ANKRD6: variants seen among roughly 807,000 people sequenced by gnomAD.
The protein encoded by ANKRD6 is ankyrin repeat domain-containing protein 6.
Under a neutral mutation model 82.3 loss-of-function variants are expected in ANKRD6, and 56 were observed. The observed-to-expected ratio is 0.68, with a 90% CI of 0.55 to 0.85. The LOEUF (loss-of-function observed/expected upper bound fraction) is 0.85, where lower values mean the gene tolerates loss of function less well. ANKRD6 is among the 40% of genes least tolerant of loss of function. The pLI is 0.00. For synonymous variants in ANKRD6, 347 were observed against 352.1 expected, an observed-to-expected ratio of 0.99 and a Z score of 0.16; for missense variants, 852 against 907.6, an observed-to-expected ratio of 0.94 and a Z score of 0.79.
chr6:89,580,343 T>A (rs1365304430), intron 2 of ANKRD6, among the ~76,000 whole-genome samples: 1 of 152,162 alleles, frequency 6.6e-6, no homozygotes, highest in Non-Finnish European at 1.5e-5. Context: ...CTCCCCATGC[T>A]GGTAACTACT....
intron 1 of ANKRD6, among the ~76,000 whole-genome samples, chr6:89,561,942 G>A (rs982888252): frequency 2.0e-5 from 3 of 152,146 alleles, no homozygotes; most frequent in East Asian, 1.9e-4. Context: ...GGGGAAATAG[G>A]GCAATGCTTT....
chr6:89,615,061 C>A (rs551694944), intron 7 of ANKRD6, among the ~76,000 whole-genome samples: 2 of 152,196 alleles, frequency 1.3e-5, no homozygotes, highest in South Asian at 4.1e-4. Context: ...TGCACAATTT[C>A]CAGCAGTCAT....
chr6:89,588,192 G>T (rs1470583837), intron 2 of ANKRD6, among the ~76,000 whole-genome samples: 1 of 137,290 alleles, frequency 7.3e-6, no homozygotes. Flanking sequence ...TGCAGTTCTT[G>T]CAGTTCTGCC....
intron 5 of ANKRD6, among the ~76,000 whole-genome samples, chr6:89,607,109 G>A (rs1004287466): frequency 2.0e-5 from 3 of 151,268 alleles, no homozygotes; most frequent in Non-Finnish European, 4.4e-5. Context: ...GGCGGAAGTT[G>A]CAGTGAGCTT....
At chr6:89,489,220 G>A (rs901280459) in intron 1 of ANKRD6, among the ~76,000 whole-genome samples, 7 of 152,198 alleles carry the variant, frequency 4.6e-5, no homozygotes, top group Admixed American at 4.6e-4. Flanking sequence ...CTTTGCTTTT[G>A]AGAACTTTGG....
chr6:89,494,660 C>T (rs1234543171), intron 1 of ANKRD6, among the ~76,000 whole-genome samples: 2 of 152,154 alleles, frequency 1.3e-5, no homozygotes, highest in African/African-American at 4.8e-5. Context: ...GCTTGAACTC[C>T]TGCAGCCAAT....
At position 89,630,684 on chromosome 6, in the gene ANKRD6, A is replaced by G; in HGVS notation, c.1864A>G (p.Lys622Glu). The G allele has an allele frequency of 6.2e-7, 1 of 1,614,000 alleles. No individual in the cohort carries two copies. The highest frequency in any genetic ancestry group is 8.5e-7 in the Non-Finnish European group (1 of 1,179,882). Reference protein sequence around the residue: ...PCVNRGTQTKKSGKSGPTRHR... With the variant: ...PCVNRGTQTKESGKSGPTRHR... ...CGTCAACAGAGGCACTCAAACTAAG[A>G]AGTCTGGGAAGAGTGGGCCAACAAG... is the stretch of plus-strand genomic sequence containing the variant. Residue 622 changes from lysine (K) to glutamate (E), a missense_variant, in exon 16 of 16, where the codon AAG becomes GAG. Coordinates refer to ENST00000339746, the MANE Select transcript of ANKRD6 (RefSeq NM_001242809.2).
intron 1 of ANKRD6, among the ~76,000 whole-genome samples, chr6:89,442,372 C>T (rs1277367389): frequency 1.3e-5 from 2 of 152,080 alleles, no homozygotes; most frequent in Non-Finnish European, 2.9e-5. Context: ...GCCTATAGTC[C>T]CAGCACTTTG....
rs947979798 is a variant in ANKRD6, at chr6:89,631,150, A to G, written c.*146A>G. ...ACTAATTCTACAATGTGCCAGATAC[A>G]TGTTTCCTATGCCCAGGAAGTTATG... On this transcript the variant is annotated 3_prime_UTR_variant, in exon 16 of 16. Transcript: ENST00000339746. 1.3e-5 allele frequency: 18 copies of G among 1,339,294 alleles called. No individual in the cohort carries two copies. The highest frequency in any genetic ancestry group is 1.6e-5 in the Non-Finnish European group (17 of 1,032,944). The allele number at this position is 1,339,294 out of a possible 1,614,324, so 83.0% of individuals were successfully genotyped here.
chr6:89,486,219 T>C (rs1400516404), intron 1 of ANKRD6, among the ~76,000 whole-genome samples: 2 of 152,318 alleles, frequency 1.3e-5, no homozygotes, highest in East Asian at 3.9e-4. Context: ...CAAAAGATTA[T>C]GATGGAGCTT....
At chr6:89,460,577 AGAC>A (rs1038879386) in intron 1 of ANKRD6, among the ~76,000 whole-genome samples, 8 of 151,958 alleles carry the variant, frequency 5.3e-5, no homozygotes, top group African/African-American at 1.9e-4. Context: ...CTGGGATTAC[AGAC>A]GCCTGCCACC....
chr6:89,590,610 G>A (rs1377996040), intron 2 of ANKRD6, among the ~76,000 whole-genome samples: 3 of 152,148 alleles, frequency 2.0e-5, no homozygotes, highest in Non-Finnish European at 2.9e-5. Flanking sequence ...AAACACCCAA[G>A]AACTTGGGAG....
chr6:89,469,147 A>C (rs1775171936), intron 1 of ANKRD6, among the ~76,000 whole-genome samples: 1 of 152,260 alleles, frequency 6.6e-6, no homozygotes, highest in South Asian at 2.1e-4. Context: ...AATGGAAAAT[A>C]TTAACAGCAT....
intron 6 of ANKRD6, 102 bp from the exon 7 acceptor site, chr6:89,613,690 A>G: frequency 1.9e-6 from 2 of 1,031,196 alleles, no homozygotes; most frequent in Non-Finnish European, 2.9e-6. Flanking sequence ...CCTAAAGAGT[A>G]CATGATAGTC....
chr6:89,626,013 G>C (rs545121897), intron 13 of ANKRD6, among the ~76,000 whole-genome samples: 1 of 152,154 alleles, frequency 6.6e-6, no homozygotes, highest in Admixed American at 6.5e-5. Context: ...GGGATTTTAG[G>C]TGTGATCCAC....
intron 1 of ANKRD6, among the ~76,000 whole-genome samples, chr6:89,551,180 T>A (rs887416567): frequency 6.6e-6 from 1 of 152,182 alleles, no homozygotes; most frequent in African/African-American, 2.4e-5. Flanking sequence ...GGGGTGGGAT[T>A]TGAGAATGCC....
rs112041266 is a variant in ANKRD6, at chr6:89,626,322, T to C, written c.1372-1261T>C. 3.6e-3 allele frequency among the ~76,000 whole-genome samples: 552 copies of C among 152,286 alleles called. 5 individuals carry two copies. The highest frequency in any genetic ancestry group is 0.012 in the African/African-American group (515 of 41,540). ...TTCAAGGGAGTGACAGATTGGGGTG[T>C]AGAATCTTAGTCCTCCTTCCAAATC... On this transcript the variant is annotated intron_variant, in intron 13 of 15. Coordinates refer to ENST00000339746, the MANE Select transcript of ANKRD6 (RefSeq NM_001242809.2).
chr6:89,458,837 A>G (rs1051568945), intron 1 of ANKRD6, among the ~76,000 whole-genome samples: 7 of 152,174 alleles, frequency 4.6e-5, no homozygotes, highest in African/African-American at 1.2e-4. Context: ...TAACCATCAC[A>G]GTGTGAAATT....
intron 1 of ANKRD6, among the ~76,000 whole-genome samples, chr6:89,470,707 T>G (rs1775344853): frequency 6.6e-6 from 1 of 152,126 alleles, no homozygotes. Context: ...TTGTTTTTCC[T>G]CTTATAACCA....
Sources: allele counts gnomAD v4.1 joint callset (sites outside exome capture counted in the v4.1 genomes callset), GRCh38; gene constraint gnomAD v4.1.1; transcripts MANE v1.5; gene names NCBI Gene and HGNC (gene_info 2026-07-23, HGNC 2026-07-21).